Variants in ELOVL6 observed in about 807,000 individuals in gnomAD.
ELOVL6 encodes very long chain fatty acid elongase 6.
In ELOVL6, 8 loss-of-function variants were observed where a neutral mutation model predicts 31.7. The ratio of observed to expected loss-of-function variants is 0.25; its 90% CI spans 0.15 to 0.45. The LOEUF (loss-of-function observed/expected upper bound fraction) is 0.45. Ranked by LOEUF, ELOVL6 falls within the 20% of genes least tolerant of loss-of-function variation. The probability of loss-of-function intolerance (pLI) is 1.00; values close to 1 mark genes in which losing one functional copy is unlikely to be tolerated. For missense variants in ELOVL6, 126 were observed against 326.4 expected, an observed-to-expected ratio of 0.39 and a Z score of 4.73; for synonymous variants, 101 against 117.7, an observed-to-expected ratio of 0.86 and a Z score of 0.92.
At position 110,059,682 on chromosome 4, in the gene ELOVL6, A is replaced by G. The variant is rs773651850; in HGVS notation, c.294T>C (p.Val98=). The change falls in exon 3 of 4, where the codon GTT becomes GTC. Residue 98 remains valine (V), a synonymous_variant. Transcript: ENST00000302274. ...GTCCATTGTAAAAACCCTGGTCACA[A>G]ACTGACTGCTTCAGGCCTTTGGTCA... ...ILMTKGLKQS[V]CDQGFYNGPV... The G allele has an allele frequency of 6.2e-6, 10 of 1,614,054 alleles. No individual in the cohort carries two copies. Among genetic ancestry groups the G allele is most frequent in the Middle Eastern group, 1.6e-4 (1 of 6,084 alleles).
rs554896140 is a variant in ELOVL6, at chr4:110,046,852, G to A, written c.*4486C>T. ...GATTGTCGGAACAAAATAGAGCATT[G>A]TGATTTCATCAGCTCTCACTTTAAT... On this transcript the variant is annotated 3_prime_UTR_variant, in exon 4 of 4. Transcript: ENST00000302274. The A allele has an allele frequency of 5.9e-5, 9 of 152,316 alleles. No individual in the cohort carries two copies. Among genetic ancestry groups the A allele is most frequent in the African/African-American group, 2.2e-4 (9 of 41,574 alleles). The allele number at this position is 152,316 out of a possible 1,614,324, so 9.4% of individuals were successfully genotyped here.
At chr4:110,113,624 A>G (rs1468870604) in intron 1 of ELOVL6, among the ~76,000 whole-genome samples, 1 of 152,182 alleles carries the variant, frequency 6.6e-6, no homozygotes, top group Non-Finnish European at 1.5e-5. Context: ...TATTTAGACA[A>G]ATCTCCCATG....
At chr4:110,176,992 C>G (rs939755893) in intron 1 of ELOVL6, among the ~76,000 whole-genome samples, 1 of 152,216 alleles carries the variant, frequency 6.6e-6, no homozygotes, top group East Asian at 1.9e-4. Context: ...GCCTCGGCCT[C>G]CCAAAGTGCG....
chr4:110,179,896 C>G (rs189618882), intron 1 of ELOVL6, among the ~76,000 whole-genome samples: 2 of 152,338 alleles, frequency 1.3e-5, no homozygotes, highest in Admixed American at 6.5e-5. Context: ...TAGTTATTTT[C>G]TGTACTCCAT....
intron 1 of ELOVL6, among the ~76,000 whole-genome samples, chr4:110,122,391 T>C (rs1237238431): frequency 6.6e-6 from 1 of 152,206 alleles, no homozygotes; most frequent in African/African-American, 2.4e-5. Context: ...CTTTTCTTTT[T>C]TTGTGGTTTC....
chr4:110,182,989 C>T (rs1264821075), intron 1 of ELOVL6, among the ~76,000 whole-genome samples: 1 of 152,114 alleles, frequency 6.6e-6, no homozygotes, highest in Non-Finnish European at 1.5e-5. Context: ...AAATTCCTAG[C>T]TAAAGGGTCT....
intron 2 of ELOVL6, among the ~76,000 whole-genome samples, chr4:110,076,823 C>T (rs34246433): frequency 0.022 from 3,288 of 152,298 alleles, 49 homozygotes; most frequent in Middle Eastern, 0.054. Flanking sequence ...GGTCAGGGAA[C>T]TCCCTTTCCT....
chr4:110,097,956 T>A (rs1756635228), intron 2 of ELOVL6, among the ~76,000 whole-genome samples: 1 of 152,162 alleles, frequency 6.6e-6, no homozygotes, highest in Non-Finnish European at 1.5e-5. Flanking sequence ...CTAAGGGAGT[T>A]ACGAAGTATT....
In ELOVL6 at chr4:110,084,147, A is replaced by AT. The variant is rs1491306109; in HGVS notation, c.221+21349dup. Reference sequence around the variant, plus strand: ...CATATATGTGATAATGATATATATGATATATATAACATATATGTGATATAT... The same window carrying AT: ...CATATATGTGATAATGATATATATGATTATATATAACATATATGTGATATAT... On this transcript the variant is annotated intron_variant, in intron 2 of 3. Transcript: ENST00000302274. Among the ~76,000 whole-genome samples, 20 of 70,654 alleles carry AT rather than the reference A, an allele frequency of 2.8e-4. 3 individuals carry two copies. Among genetic ancestry groups the AT allele is most frequent in the African/African-American group, 1.5e-3 (18 of 12,340 alleles). 46.4% of individuals were successfully genotyped at this position (70,654 alleles called of 152,430 possible). A position where few individuals can be genotyped will look rare whatever the true frequency, so the allele number is the denominator to read the frequency against.
rs79896727 is a variant in ELOVL6, at chr4:110,115,576, T to C, written c.90-9948A>G. Among the ~76,000 whole-genome samples, 255 of 152,174 alleles carry C rather than the reference T, an allele frequency of 1.7e-3. 4 individuals carry two copies. The East Asian group carries it at 0.038, about 23-fold the overall frequency. On this transcript the variant is annotated intron_variant, in intron 1 of 3. Transcript: ENST00000302274. ...CTGGGTAATATGGTGAGAACCTGTCTCTACAAAAAAAAACTTCCAGAAATA... is the reference window on the plus strand; with the variant it reads ...CTGGGTAATATGGTGAGAACCTGTCCCTACAAAAAAAAACTTCCAGAAATA...
intron 2 of ELOVL6, among the ~76,000 whole-genome samples, chr4:110,074,574 A>T (rs918549384): frequency 2.6e-5 from 4 of 152,212 alleles, no homozygotes; most frequent in African/African-American, 9.6e-5. Context: ...GGGACATAGC[A>T]GTAAACTCTG....
intron 1 of ELOVL6, among the ~76,000 whole-genome samples, chr4:110,173,279 G>C (rs1259828902): frequency 6.6e-6 from 1 of 152,072 alleles, no homozygotes; most frequent in Non-Finnish European, 1.5e-5. Flanking sequence ...GGTGAGATGT[G>C]ATCCCAGCAG....
chr4:110,132,186 G>A (rs1345560068), intron 1 of ELOVL6, among the ~76,000 whole-genome samples: 1 of 152,146 alleles, frequency 6.6e-6, no homozygotes, highest in Admixed American at 6.5e-5. Flanking sequence ...TTAAGTAAGG[G>A]AGGAGGAGCG....
chr4:110,117,903 A>AAAAAAAAATATATATATATAT, intron 1 of ELOVL6: 9 of 6,498 alleles, frequency 1.4e-3, no homozygotes, highest in Admixed American at 3.8e-3. Context: ...AAAAAAAAAA[A>AAAAAAAAATATATATATATAT]ATATATATAT....
chr4:110,145,753 G>C (rs2126263291), intron 1 of ELOVL6, among the ~76,000 whole-genome samples: 1 of 150,912 alleles, frequency 6.6e-6, no homozygotes, highest in East Asian at 1.9e-4. Flanking sequence ...GTCACTCCTA[G>C]AAATATTGTG....
intron 2 of ELOVL6, among the ~76,000 whole-genome samples, chr4:110,090,609 T>TTTTTTG (rs1352836393): frequency 7.0e-6 from 1 of 142,208 alleles, no homozygotes; most frequent in African/African-American, 2.7e-5. Flanking sequence ...TCTTTTTTTT[T>TTTTTTG]TTTTTTTTTT....
chr4:110,136,904 T>C (rs1757828658), intron 1 of ELOVL6, among the ~76,000 whole-genome samples: 3 of 152,194 alleles, frequency 2.0e-5, no homozygotes, highest in Non-Finnish European at 4.4e-5. Flanking sequence ...CAGGAATATC[T>C]AGATGTCTTC....
At chr4:110,127,192 A>G (rs1186521059) in intron 1 of ELOVL6, among the ~76,000 whole-genome samples, 1 of 151,992 alleles carries the variant, frequency 6.6e-6, no homozygotes, top group African/African-American at 2.4e-5. Context: ...TTGGATCACA[A>G]GGTCAGGAGT....
intron 1 of ELOVL6, among the ~76,000 whole-genome samples, chr4:110,192,032 A>G (rs952205456): frequency 6.6e-6 from 1 of 151,914 alleles, no homozygotes; most frequent in Non-Finnish European, 1.5e-5. Context: ...TCTACTAAAT[A>G]CAAAAAAATC....
Sources: allele counts gnomAD v4.1 joint callset (sites outside exome capture counted in the v4.1 genomes callset), GRCh38; gene constraint gnomAD v4.1.1; transcripts MANE v1.5; gene names NCBI Gene and HGNC (gene_info 2026-07-23, HGNC 2026-07-21).